LRRC4C: variants seen among roughly 807,000 people sequenced by gnomAD.
LRRC4C encodes the protein leucine-rich repeat-containing protein 4C.
Under a neutral mutation model 33.6 loss-of-function variants are expected in LRRC4C, and 5 were observed. The ratio of observed to expected loss-of-function variants is 0.15; its 90% CI spans 0.08 to 0.31. LRRC4C has a LOEUF of 0.31. LRRC4C is among the 10% of genes least tolerant of loss of function. The pLI, the probability that LRRC4C is intolerant of heterozygous loss-of-function variation, is 1.00. For missense variants in LRRC4C, 560 were observed against 796.7 expected (o/e 0.70, Z 3.58); for synonymous variants, 329 against 302.0 (o/e 1.09, Z -0.93).
intron 4 of LRRC4C, among the ~76,000 whole-genome samples, chr11:40,253,402 T>G (rs1307608391): frequency 6.6e-6 from 1 of 152,196 alleles, no homozygotes; most frequent in Non-Finnish European, 1.5e-5. Flanking sequence ...AAAGCTGGTA[T>G]AAAAACAGAC....
intron 3 of LRRC4C, among the ~76,000 whole-genome samples, chr11:40,501,045 T>C (rs903019373): frequency 1.3e-5 from 2 of 152,152 alleles, no homozygotes; most frequent in African/African-American, 4.8e-5. Flanking sequence ...ACAGACCCCA[T>C]GCAAGTCTGA....
chr11:40,587,686 G>A (rs1217984067), intron 3 of LRRC4C, among the ~76,000 whole-genome samples: 2 of 151,826 alleles, frequency 1.3e-5, no homozygotes, highest in South Asian at 2.1e-4. Context: ...TTAGCATGAA[G>A]GGTTGTTGAA....
At chr11:40,776,548 T>C (rs1371623095) in intron 2 of LRRC4C, among the ~76,000 whole-genome samples, 2 of 152,142 alleles carry the variant, frequency 1.3e-5, no homozygotes, top group Non-Finnish European at 2.9e-5. Context: ...CTGATTATCT[T>C]TTGTATTTAT....
chr11:40,528,918 A>G (rs1031282171), intron 3 of LRRC4C, among the ~76,000 whole-genome samples: 4 of 152,218 alleles, frequency 2.6e-5, no homozygotes, highest in African/African-American at 9.6e-5. Context: ...TTCCACTTAT[A>G]TGAGGTTTCT....
chr11:41,102,649 T>G (rs1263690578), intron 1 of LRRC4C, among the ~76,000 whole-genome samples: 1 of 152,050 alleles, frequency 6.6e-6, no homozygotes, highest in Non-Finnish European at 1.5e-5. Context: ...AATAAGCTAC[T>G]ATATTTGGGT....
chr11:40,662,837 T>G (rs909094210), intron 2 of LRRC4C, among the ~76,000 whole-genome samples: 2 of 152,214 alleles, frequency 1.3e-5, no homozygotes, highest in African/African-American at 4.8e-5. Flanking sequence ...AGTATTTGTG[T>G]GAAGATTTAG....
intron 3 of LRRC4C, among the ~76,000 whole-genome samples, chr11:40,498,845 A>G (rs910762208): frequency 6.6e-6 from 1 of 152,202 alleles, no homozygotes; most frequent in Non-Finnish European, 1.5e-5. Flanking sequence ...TTACTGGACT[A>G]AGTGGAATTT....
intron 3 of LRRC4C, among the ~76,000 whole-genome samples, chr11:40,442,399 A>AGG (rs1779525632): frequency 6.6e-6 from 1 of 152,298 alleles, no homozygotes; most frequent in Admixed American, 6.5e-5. Context: ...CAAGTCAGGT[A>AGG]CTAAAAAAGG....
rs142731198 is a variant in LRRC4C at position 41,143,668 on chromosome 11, G to A, written c.-495-209945C>T. Among the ~76,000 whole-genome samples, 943 of 152,162 alleles carry A rather than the reference G, an allele frequency of 6.2e-3. 15 individuals are homozygous for A. Among genetic ancestry groups the A allele is most frequent in the African/African-American group, 0.022 (895 of 41,528 alleles). ...TTCTCGATCCTAGCTACAATAACCC[G>A]GAAAACATTCAGACAATTCATTTCA... On this transcript the variant is annotated intron_variant, in intron 1 of 6. Transcript: ENST00000528697.
chr11:41,190,763 A>G (rs1945909623), intron 1 of LRRC4C, among the ~76,000 whole-genome samples: 1 of 152,206 alleles, frequency 6.6e-6, no homozygotes, highest in African/African-American at 2.4e-5. Flanking sequence ...TTATTTTCAA[A>G]CATGCTGTAT....
At position 40,263,274 on chromosome 11, in the gene LRRC4C, TCAA is replaced by T. The variant is rs1166774230; in HGVS notation, c.-175-21679_-175-21677del. ...CTATGGGACATGGGACCAGTGATTT[TCAA>T]CAACAGTGTGACAGAGTTGCCTACA... On this transcript the variant is annotated intron_variant, in intron 4 of 6. Transcript: ENST00000528697. 2.0e-5 allele frequency among the ~76,000 whole-genome samples: 3 copies of T among 152,230 alleles called. No homozygotes were observed. The East Asian group carries it at 5.8e-4, about 29-fold the overall frequency.
intron 1 of LRRC4C, among the ~76,000 whole-genome samples, chr11:41,316,262 C>CAAAAAAAAAAAAAAAAAA (rs60671406): frequency 2.7e-4 from 21 of 78,002 alleles, no homozygotes; most frequent in East Asian, 6.3e-4. Context: ...CTCTGGATGG[C>CAAAAAAAAAAAAAAAAAA]AAAAAAAAAA....
At chr11:41,084,940 T>G (rs1406988657) in intron 1 of LRRC4C, among the ~76,000 whole-genome samples, 1 of 152,132 alleles carries the variant, frequency 6.6e-6, no homozygotes, top group Non-Finnish European at 1.5e-5. Context: ...TCTAAAAGCT[T>G]AGTTAGGATT....
intron 1 of LRRC4C, among the ~76,000 whole-genome samples, chr11:41,341,282 G>C (rs79695889): frequency 6.6e-6 from 1 of 151,876 alleles, no homozygotes; most frequent in African/African-American, 2.4e-5. Flanking sequence ...AAGTGTTTTC[G>C]ATTAAAAAAA....
chr11:41,353,829 T>G (rs1205995976), intron 1 of LRRC4C, among the ~76,000 whole-genome samples: 4 of 151,912 alleles, frequency 2.6e-5, no homozygotes, highest in African/African-American at 9.7e-5. Flanking sequence ...TCCCTTCATG[T>G]TAAAAAACAA....
At chr11:40,314,569 A>G (rs1945482004) in intron 4 of LRRC4C, among the ~76,000 whole-genome samples, 1 of 152,162 alleles carries the variant, frequency 6.6e-6, no homozygotes, top group African/African-American at 2.4e-5. Context: ...AGGAGAGGAA[A>G]TCAGCATAAG....
chr11:40,476,182 T>C (rs1953210212), intron 3 of LRRC4C, among the ~76,000 whole-genome samples: 1 of 152,124 alleles, frequency 6.6e-6, no homozygotes, highest in South Asian at 2.1e-4. Context: ...GAAGTGTGTG[T>C]GTGCATGTGT....
chr11:41,398,665 C>A (rs1239208171), intron 1 of LRRC4C, among the ~76,000 whole-genome samples: 4 of 151,846 alleles, frequency 2.6e-5, no homozygotes, highest in Non-Finnish European at 5.9e-5. Flanking sequence ...ATTATGCCCA[C>A]TCTGAAGACA....
rs575023276 is a variant in LRRC4C, at chr11:41,313,006, G to A, written c.-496+146425C>T. Among the ~76,000 whole-genome samples, 4 of 152,324 alleles carry A rather than the reference G, an allele frequency of 2.6e-5. No individual in the cohort carries two copies. The South Asian group carries it at 8.3e-4, about 32-fold the overall frequency. ...GGACTAATACATGGTAATAAAGGCA[G>A]TAATTAACTTTACCTCTCTTTCTGA... On this transcript the variant is annotated intron_variant, in intron 1 of 6. Transcript: ENST00000528697.
Sources: gnomAD v4.1 joint callset for allele counts (sites outside exome capture counted in the v4.1 genomes callset) on GRCh38, gnomAD v4.1.1 for gene constraint, MANE v1.5 for transcripts, NCBI Gene and HGNC (gene_info 2026-07-23, HGNC 2026-07-21) for gene names.